Variants in WWOX observed in about 807,000 individuals in gnomAD.
WWOX encodes WW domain containing oxidoreductase.
Under a neutral mutation model 46.2 loss-of-function variants are expected in WWOX, and 69 were observed. The ratio of observed to expected loss-of-function variants is 1.49; its 90% CI spans 1.23 to 1.82. WWOX has a LOEUF of 1.82. Ranked by LOEUF, WWOX falls within the 40% of genes most tolerant of loss-of-function variation. The pLI is 0.00. For missense variants in WWOX, 919 were observed against 542.6 expected, an observed-to-expected ratio of 1.69 and a Z score of -6.89; for synonymous variants, 359 against 202.6, an observed-to-expected ratio of 1.77 and a Z score of -6.56.
At chr16:78,486,359 A>G (rs1417247921) in intron 8 of WWOX, among the ~76,000 whole-genome samples, 1 of 152,212 alleles carries the variant, frequency 6.6e-6, no homozygotes, top group Non-Finnish European at 1.5e-5. Context: ...ATCTACTAAG[A>G]TTATTCAGAA....
intron 8 of WWOX, among the ~76,000 whole-genome samples, chr16:78,921,252 C>T (rs1394273333): frequency 6.6e-6 from 1 of 152,122 alleles, no homozygotes; most frequent in Non-Finnish European, 1.5e-5. Context: ...CCGCACTGTG[C>T]CAGAATAGAT....
chr16:78,500,867 A>G (rs553922748), intron 8 of WWOX, among the ~76,000 whole-genome samples: 92 of 152,262 alleles, frequency 6.0e-4, no homozygotes, highest in East Asian at 9.6e-4. Flanking sequence ...AGGAGTCGAT[A>G]TTTTCTGGCT....
chr16:78,966,441 C>T (rs7201806), intron 8 of WWOX, among the ~76,000 whole-genome samples: 82,556 of 151,914 alleles, frequency 0.54, 23,192 homozygotes, highest in East Asian at 0.91. Flanking sequence ...TACCCTTCCA[C>T]AATATTATAG....
intron 8 of WWOX, among the ~76,000 whole-genome samples, chr16:79,180,058 T>C (rs552721961): frequency 1.3e-5 from 2 of 152,270 alleles, no homozygotes; most frequent in Admixed American, 1.3e-4. Flanking sequence ...TGAGTTGCTT[T>C]TTGAGAGATT....
At chr16:78,600,525 G>C (rs914962888) in intron 8 of WWOX, among the ~76,000 whole-genome samples, 2 of 152,112 alleles carry the variant, frequency 1.3e-5, no homozygotes, top group South Asian at 4.1e-4. Context: ...CAGAATGAAA[G>C]ATGAGGGCAG....
chr16:78,487,157 C>A (rs889307105), intron 8 of WWOX, among the ~76,000 whole-genome samples: 1 of 152,106 alleles, frequency 6.6e-6, no homozygotes, highest in Admixed American at 6.5e-5. Context: ...CTATGTTTTG[C>A]AATTTTCTTT....
chr16:78,799,113 C>T (rs2050819061), intron 8 of WWOX, among the ~76,000 whole-genome samples: 2 of 151,938 alleles, frequency 1.3e-5, no homozygotes, highest in South Asian at 2.1e-4. Flanking sequence ...AGATTACCTC[C>T]ACTTCATTAT....
chr16:78,980,076 T>C (rs369263441), intron 8 of WWOX, among the ~76,000 whole-genome samples: 1 of 152,170 alleles, frequency 6.6e-6, no homozygotes. Flanking sequence ...TGTAGTAAGC[T>C]GAGATTGCAC....
At chr16:78,332,414 C>T (rs1006027854) in intron 5 of WWOX, among the ~76,000 whole-genome samples, 11 of 152,184 alleles carry the variant, frequency 7.2e-5, no homozygotes, top group Non-Finnish European at 1.0e-4. Flanking sequence ...GGACACTCCT[C>T]CAGCGGAGTA....
chr16:78,957,786 C>T (rs772112874), intron 8 of WWOX, among the ~76,000 whole-genome samples: 2 of 152,222 alleles, frequency 1.3e-5, no homozygotes, highest in African/African-American at 2.4e-5. Context: ...TTAGGACTCT[C>T]TTGTCCTGTT....
At chr16:79,013,242 G>A (rs987478866) in intron 8 of WWOX, among the ~76,000 whole-genome samples, 3 of 152,040 alleles carry the variant, frequency 2.0e-5, no homozygotes, top group African/African-American at 7.2e-5. Context: ...CCTCCCACAG[G>A]GTCGAGAGTG....
intron 8 of WWOX, 63 bp downstream of exon 8, chr16:78,432,815 T>G: frequency 6.2e-7 from 1 of 1,612,054 alleles, no homozygotes; most frequent in Non-Finnish European, 8.5e-7. Context: ...CACACTTGTG[T>G]CTCCACCTTT....
At chr16:78,941,982 A>G (rs1033038995) in intron 8 of WWOX, among the ~76,000 whole-genome samples, 4 of 152,180 alleles carry the variant, frequency 2.6e-5, no homozygotes, top group African/African-American at 9.7e-5. Flanking sequence ...AATGTGGGTC[A>G]TTGGGAAATA....
intron 8 of WWOX, among the ~76,000 whole-genome samples, chr16:78,469,471 G>T (rs1238908059): frequency 3.3e-5 from 5 of 152,196 alleles, no homozygotes; most frequent in Non-Finnish European, 5.9e-5. Context: ...GAGATGACAG[G>T]CTCCGCAGTG....
rs1340888279 is a variant in WWOX, at chr16:78,339,225, A to G, written c.517-47635A>G. Among the ~76,000 whole-genome samples, 8 of 119,582 alleles carry G rather than the reference A, an allele frequency of 6.7e-5. 2 individuals carry two copies. The highest frequency in any genetic ancestry group is 1.4e-4 in the Non-Finnish European group (7 of 50,194). 78.5% of individuals were successfully genotyped at this position (119,582 alleles called of 152,430 possible). The stretch of plus-strand genomic sequence containing the variant: ...CACCACTATGCCATGTAGCATATCA[A>G]GATTATTTTTCTTTCCTGCACCTTA... On this transcript the variant is annotated intron_variant, in intron 5 of 8. Transcript: ENST00000566780.
intron 8 of WWOX, among the ~76,000 whole-genome samples, chr16:78,730,617 A>ACTT (rs1555524922): frequency 4.1e-5 from 5 of 123,062 alleles, no homozygotes; most frequent in Non-Finnish European, 8.2e-5. Flanking sequence ...ACGCCCGGCA[A>ACTT]TTTTTTTTTT....
chr16:78,548,594 C>T (rs2044102987), intron 8 of WWOX, among the ~76,000 whole-genome samples: 1 of 152,198 alleles, frequency 6.6e-6, no homozygotes, highest in African/African-American at 2.4e-5. Flanking sequence ...AACATCATCT[C>T]TCAAGGAACT....
chr16:78,247,691 C>G (rs1567455839), intron 5 of WWOX, among the ~76,000 whole-genome samples: 2 of 152,212 alleles, frequency 1.3e-5, no homozygotes, highest in South Asian at 4.1e-4. Flanking sequence ...TGGGGCAGGT[C>G]AGTCCGTGGA....
At chr16:78,308,247 G>A (rs948236938) in intron 5 of WWOX, among the ~76,000 whole-genome samples, 1 of 152,290 alleles carries the variant, frequency 6.6e-6, no homozygotes, top group Middle Eastern at 3.4e-3. Flanking sequence ...TGCTAGGTGA[G>A]TGTAAACCAA....
Sources: gnomAD v4.1 joint callset for allele counts (sites outside exome capture counted in the v4.1 genomes callset) on GRCh38, gnomAD v4.1.1 for gene constraint, MANE v1.5 for transcripts, NCBI Gene and HGNC (gene_info 2026-07-23, HGNC 2026-07-21) for gene names.